The following DCUN1D1 variants were observed in gnomAD, a reference collection of about 807,000 sequenced individuals.
DCUN1D1 encodes DCN1-like protein 1.
DCUN1D1 carries 3 observed loss-of-function variants against 39.0 expected under a neutral mutation model. That is an observed-to-expected ratio of 0.08 (90% CI 0.04 to 0.20). The LOEUF (loss-of-function observed/expected upper bound fraction) is 0.20. DCUN1D1 is among the 10% of genes least tolerant of loss of function. The pLI is 1.00. For missense variants in DCUN1D1, 158 were observed against 302.4 expected, an observed-to-expected ratio of 0.52 and a Z score of 3.54; for synonymous variants, 82 against 96.3, an observed-to-expected ratio of 0.85 and a Z score of 0.87.
At chr3:182,961,395 T>C (rs747431223) in intron 3 of DCUN1D1, 39 bp from the exon 4 acceptor site, 9 of 1,513,890 alleles carry the variant, frequency 5.9e-6, no homozygotes, top group African/African-American at 1.4e-5. Flanking sequence ...ATTAACTGTT[T>C]CACTATAAAT....
chr3:182,946,211 G>A (rs1726390262), intron 6 of DCUN1D1, among the ~76,000 whole-genome samples: 1 of 152,162 alleles, frequency 6.6e-6, no homozygotes, highest in African/African-American at 2.4e-5. Flanking sequence ...AAAGTATTCA[G>A]TGATTATTTA....
At chr3:182,950,352 T>C (rs892435435) in intron 4 of DCUN1D1, among the ~76,000 whole-genome samples, 2 of 152,046 alleles carry the variant, frequency 1.3e-5, no homozygotes, top group Non-Finnish European at 2.9e-5. Context: ...TTCACTACGT[T>C]GGCCAGGATG....
intron 4 of DCUN1D1, 41 bp from the exon 5 acceptor site, chr3:182,947,673 A>G (rs1726485729): frequency 1.7e-6 from 2 of 1,159,616 alleles, no homozygotes; most frequent in Admixed American, 4.6e-5. Context: ...AATGCTATAA[A>G]TATTTGTCCC....
At position 182,942,339 on chromosome 3, in the gene DCUN1D1, T is replaced by TA; in HGVS notation, c.*2754dup. 1 of 152,236 alleles carries TA rather than the reference T, an allele frequency of 6.6e-6. No homozygotes were observed. The highest frequency in any genetic ancestry group is 2.1e-4 in the South Asian group (1 of 4,834). The allele number at this position is 152,236 out of a possible 1,614,324, so 9.4% of individuals were successfully genotyped here. On this transcript the variant is annotated 3_prime_UTR_variant, in exon 7 of 7. Coordinates refer to ENST00000292782, the MANE Select transcript of DCUN1D1 (RefSeq NM_020640.4). ...GTATATTTTAAATCTATAAAAAAAA[T>TA]ACACTGAAATATGTGAAAAGATTTA...
chr3:182,964,928 C>A (rs907882410), intron 2 of DCUN1D1, among the ~76,000 whole-genome samples: 1 of 152,060 alleles, frequency 6.6e-6, no homozygotes, highest in Admixed American at 6.6e-5. Flanking sequence ...TGTGAGCCAC[C>A]ACGCCCAGCC....
At chr3:182,954,375 TA>T (rs554111922) in intron 4 of DCUN1D1, among the ~76,000 whole-genome samples, 9 of 152,294 alleles carry the variant, frequency 5.9e-5, no homozygotes, top group Middle Eastern at 6.8e-3. Context: ...AAAGCTAATT[TA>T]TATCGTTTAG....
At position 182,947,251 on chromosome 3, in the gene DCUN1D1, A is replaced by G. The variant is rs752861729; in HGVS notation, c.687T>C (p.Asn229=). The G allele has an allele frequency of 1.2e-6, 2 of 1,600,108 alleles. No homozygotes were observed. Among genetic ancestry groups the G allele is most frequent in the Non-Finnish European group, 1.7e-6 (2 of 1,174,666 alleles). ...AATTTTCATTACCTTCTTCATCATA[A>G]TTAGACATGTCATCTGCAATCATCG... ...FSTMIADDMS[N]YDEEGAWPVL... Residue 229 remains asparagine, a synonymous_variant, in exon 6 of 7, where the codon AAT becomes AAC. Transcript: ENST00000292782.
chr3:182,973,095 G>A (rs564814422), intron 1 of DCUN1D1, among the ~76,000 whole-genome samples: 12 of 152,228 alleles, frequency 7.9e-5, no homozygotes, highest in Middle Eastern at 6.8e-3. Context: ...ATCCACATGG[G>A]GGAGGGAGGA....
intron 4 of DCUN1D1, chr3:182,956,320 A>T (rs998085779): frequency 1.5e-5 from 4 of 258,422 alleles, no homozygotes; most frequent in Non-Finnish European, 3.2e-5. Context: ...CCAAAACCCC[A>T]ATCACCCCTC....
rs1228469673 is a variant in DCUN1D1, at chr3:182,945,062, G to A, written c.*32C>T. On this transcript the variant is annotated 3_prime_UTR_variant, in exon 7 of 7. Coordinates refer to ENST00000292782, the MANE Select transcript of DCUN1D1 (RefSeq NM_020640.4). ...AATTTTCTGTTGTATTTATTGTACA[G>A]ACTATGTACATTCTAGAAGGTTCCT... 1 of 1,544,194 alleles carries A rather than the reference G, an allele frequency of 6.5e-7. No individual in the cohort carries two copies. Among genetic ancestry groups the A allele is most frequent in the Admixed American group, 1.7e-5 (1 of 59,660 alleles).
chr3:182,959,352 C>T (rs1167261663), intron 4 of DCUN1D1, among the ~76,000 whole-genome samples: 1 of 151,870 alleles, frequency 6.6e-6, no homozygotes, highest in South Asian at 2.1e-4. Context: ...TACATTTATC[C>T]CTTCCTCTCT....
At chr3:182,981,214 G>A (rs534926759), upstream of DCUN1D1, among the ~76,000 whole-genome samples, 30 of 152,108 alleles carry the variant, frequency 2.0e-4, no homozygotes, top group Non-Finnish European at 2.4e-4. Context: ...AGTGAGATGG[G>A]GTGGGGTGCA....
At chr3:182,964,592 G>A (rs1727568986) in intron 2 of DCUN1D1, among the ~76,000 whole-genome samples, 1 of 151,278 alleles carries the variant, frequency 6.6e-6, no homozygotes, top group South Asian at 2.1e-4. Flanking sequence ...AAGAGAAAGA[G>A]GCACTCATAG....
At chr3:182,971,198 C>T (rs989370464) in intron 1 of DCUN1D1, among the ~76,000 whole-genome samples, 2 of 152,164 alleles carry the variant, frequency 1.3e-5, no homozygotes, top group Non-Finnish European at 2.9e-5. Flanking sequence ...GTTGAGGTTA[C>T]ACGAATCAAT....
At chr3:182,964,735 G>T (rs1219444844) in intron 2 of DCUN1D1, among the ~76,000 whole-genome samples, 1 of 147,566 alleles carries the variant, frequency 6.8e-6, no homozygotes, top group Non-Finnish European at 1.5e-5. Context: ...CTGCCTCCCA[G>T]GTTCAAGTGA....
At chr3:182,958,764 C>T (rs1577176671) in intron 4 of DCUN1D1, among the ~76,000 whole-genome samples, 1 of 152,014 alleles carries the variant, frequency 6.6e-6, no homozygotes, top group East Asian at 1.9e-4. Context: ...TCAATTTTTT[C>T]CTGTAATCTA....
intron 1 of DCUN1D1, among the ~76,000 whole-genome samples, chr3:182,979,856 G>A (rs1469323699): frequency 6.6e-6 from 1 of 152,084 alleles, no homozygotes; most frequent in African/African-American, 2.4e-5. Context: ...TCCACCAACT[G>A]GCCGGGGAAA....
chr3:182,974,175 C>T (rs150584969), intron 1 of DCUN1D1, among the ~76,000 whole-genome samples: 2 of 152,234 alleles, frequency 1.3e-5, no homozygotes, highest in East Asian at 1.9e-4. Context: ...TCGTTTGAAT[C>T]CAGGAGGCAG....
chr3:182,973,143 T>C (rs866596248), intron 1 of DCUN1D1, among the ~76,000 whole-genome samples: 11 of 152,108 alleles, frequency 7.2e-5, no homozygotes, highest in African/African-American at 2.7e-4. Context: ...AAAACACAGA[T>C]AGTATAGAAC....
Sources: gnomAD v4.1 joint callset for allele counts (sites outside exome capture counted in the v4.1 genomes callset) on GRCh38, gnomAD v4.1.1 for gene constraint, MANE v1.5 for transcripts, NCBI Gene and HGNC (gene_info 2026-07-23, HGNC 2026-07-21) for gene names.